Variants in OXR1 observed in about 807,000 individuals in gnomAD.
The protein encoded by OXR1 is oxidation resistance protein 1.
OXR1 carries 41 observed loss-of-function variants against 104.6 expected under a neutral mutation model. The ratio of observed to expected loss-of-function variants is 0.39; its 90% CI spans 0.31 to 0.51. The LOEUF is 0.51. Ranked by LOEUF, OXR1 falls within the 20% of genes least tolerant of loss-of-function variation. The pLI is 0.77. For synonymous variants in OXR1, 348 were observed against 348.4 expected (o/e 1.00, Z 0.01); for missense variants, 955 against 1,031.9 (o/e 0.93, Z 1.02).
At chr8:106,520,563 C>G (rs1813183067) in intron 3 of OXR1, 1 of 152,130 alleles carries the variant, frequency 6.6e-6, no homozygotes, top group Non-Finnish European at 1.5e-5. Flanking sequence ...GTCTTATTTT[C>G]TAAAAGGCAA....
chr8:106,360,503 T>C (rs539284698), intron 2 of OXR1, among the ~76,000 whole-genome samples: 1 of 152,258 alleles, frequency 6.6e-6, no homozygotes, highest in East Asian at 1.9e-4. Flanking sequence ...TTTAGTGAAG[T>C]CAGCAATTTT....
intron 2 of OXR1, among the ~76,000 whole-genome samples, chr8:106,391,200 A>G (rs1255328688): frequency 1.3e-5 from 2 of 152,206 alleles, no homozygotes; most frequent in Non-Finnish European, 2.9e-5. Context: ...ATGAGGATTC[A>G]TTAGGTTATC....
At chr8:106,530,418 G>C (rs1814008127) in intron 3 of OXR1, among the ~76,000 whole-genome samples, 1 of 152,012 alleles carries the variant, frequency 6.6e-6, no homozygotes, top group African/African-American at 2.4e-5. Context: ...CTGCCTCCAG[G>C]GTAGCTGGGA....
chr8:106,431,796 A>G (rs1010083083), intron 2 of OXR1, among the ~76,000 whole-genome samples: 6 of 152,218 alleles, frequency 3.9e-5, no homozygotes, highest in African/African-American at 1.2e-4. Flanking sequence ...ATCTGTTTAG[A>G]GTATTATTCT....
intron 11 of OXR1, among the ~76,000 whole-genome samples, chr8:106,722,768 T>A (rs1832930466): frequency 6.6e-6 from 1 of 152,180 alleles, no homozygotes; most frequent in Admixed American, 6.5e-5. Context: ...AAAACGAAAT[T>A]GCTTAAAGAT....
At chr8:106,545,696 C>A (rs1815299799) in intron 3 of OXR1, among the ~76,000 whole-genome samples, 1 of 152,080 alleles carries the variant, frequency 6.6e-6, no homozygotes, top group African/African-American at 2.4e-5. Flanking sequence ...TGAAAGGAAG[C>A]CCCACAGATC....
At chr8:106,527,615 A>G (rs56068063) in intron 3 of OXR1, among the ~76,000 whole-genome samples, 2,107 of 152,302 alleles carry the variant, frequency 0.014, 44 homozygotes, top group African/African-American at 0.048. Context: ...ATTTGCCAGG[A>G]TTCAATCCAA....
intron 1 of OXR1, among the ~76,000 whole-genome samples, chr8:106,294,867 G>C (rs1015296435): frequency 1.3e-5 from 2 of 152,114 alleles, no homozygotes; most frequent in Admixed American, 1.3e-4. Flanking sequence ...CTTTTATGCG[G>C]CCTTTCATAT....
chr8:106,584,031 A>G (rs914979870), intron 3 of OXR1, among the ~76,000 whole-genome samples: 1 of 152,146 alleles, frequency 6.6e-6, no homozygotes, highest in Non-Finnish European at 1.5e-5. Context: ...AAGAAAGAAA[A>G]CCATCTAAAG....
At chr8:106,458,962 T>G (rs1400380185) in intron 2 of OXR1, among the ~76,000 whole-genome samples, 1 of 152,198 alleles carries the variant, frequency 6.6e-6, no homozygotes, top group Non-Finnish European at 1.5e-5. Flanking sequence ...GAATTATGCC[T>G]TGAGTCTCAG....
chr8:106,353,907 G>C (rs1238670449), intron 1 of OXR1, among the ~76,000 whole-genome samples: 1 of 152,084 alleles, frequency 6.6e-6, no homozygotes, highest in Non-Finnish European at 1.5e-5. Flanking sequence ...CCTCCAGCCT[G>C]CCGCCCCTAG....
At chr8:106,447,170 C>A (rs898217138) in intron 2 of OXR1, among the ~76,000 whole-genome samples, 1 of 152,116 alleles carries the variant, frequency 6.6e-6, no homozygotes, top group African/African-American at 2.4e-5. Context: ...AAAAGTCAAA[C>A]GTTACTTTGA....
chr8:106,627,319 G>T (rs1163006070), intron 3 of OXR1, among the ~76,000 whole-genome samples: 1 of 152,030 alleles, frequency 6.6e-6, no homozygotes. Flanking sequence ...CTTTTTAAAT[G>T]TATGCATTTT....
intron 3 of OXR1, among the ~76,000 whole-genome samples, chr8:106,662,616 A>G (rs1825872803): frequency 6.6e-6 from 1 of 152,196 alleles, no homozygotes; most frequent in Non-Finnish European, 1.5e-5. Context: ...GGTAATTAAT[A>G]GTAGCATTTT....
At chr8:106,535,684 A>G (rs921145033) in intron 3 of OXR1, among the ~76,000 whole-genome samples, 1 of 152,198 alleles carries the variant, frequency 6.6e-6, no homozygotes, top group Non-Finnish European at 1.5e-5. Flanking sequence ...AAGTTACATT[A>G]ATGGAGAAAA....
At chr8:106,388,223 C>T (rs1817455150) in intron 2 of OXR1, among the ~76,000 whole-genome samples, 1 of 152,076 alleles carries the variant, frequency 6.6e-6, no homozygotes, top group African/African-American at 2.4e-5. Flanking sequence ...TCCTTATTTC[C>T]CTAGACTTGG....
chr8:106,497,612 GC>G (rs1483518991), intron 2 of OXR1, among the ~76,000 whole-genome samples: 1 of 152,134 alleles, frequency 6.6e-6, no homozygotes, highest in African/African-American at 2.4e-5. Context: ...TGGAGTCTTA[GC>G]CACTATGACA....
At chr8:106,453,898 T>C (rs1395605584) in intron 2 of OXR1, among the ~76,000 whole-genome samples, 1 of 152,196 alleles carries the variant, frequency 6.6e-6, no homozygotes, top group African/African-American at 2.4e-5. Flanking sequence ...AAACACACCA[T>C]TATTTTACAC....
At chr8:106,502,641 G>A (rs954654373) in intron 2 of OXR1, among the ~76,000 whole-genome samples, 10 of 152,000 alleles carry the variant, frequency 6.6e-5, no homozygotes, top group South Asian at 4.1e-4. Context: ...AAATATTTTC[G>A]TTTTATATAA....
Sources: allele counts gnomAD v4.1 joint callset (sites outside exome capture counted in the v4.1 genomes callset), GRCh38; gene constraint gnomAD v4.1.1; transcripts MANE v1.5; gene names NCBI Gene and HGNC (gene_info 2026-07-23, HGNC 2026-07-21).